Variants in CADM2 observed in about 807,000 individuals in gnomAD.
The protein encoded by CADM2 is immunoglobulin superfamily member 4D.
A neutral mutation model predicts 49.8 loss-of-function variants in CADM2; 12 were observed. The ratio of observed to expected loss-of-function variants is 0.24; its 90% CI spans 0.15 to 0.39. CADM2 has a LOEUF of 0.39. Among genes scored for constraint, CADM2 ranks in the 10% least tolerant of loss-of-function variants. CADM2 has a pLI of 1.00. For synonymous variants in CADM2, 214 were observed against 175.4 expected (o/e 1.22, Z -1.74); for missense variants, 378 against 492.3 (o/e 0.77, Z 2.20).
intron 1 of CADM2, among the ~76,000 whole-genome samples, chr3:85,715,900 TAACA>T (rs2067274049): frequency 6.6e-6 from 1 of 152,222 alleles, no homozygotes; most frequent in Admixed American, 6.5e-5. Context: ...TTATCCAGTC[TAACA>T]TTCATGGGCA....
chr3:85,773,624 G>T (rs2070211351), intron 2 of CADM2, among the ~76,000 whole-genome samples: 1 of 151,912 alleles, frequency 6.6e-6, no homozygotes, highest in African/African-American at 2.4e-5. Flanking sequence ...CCATACAATG[G>T]TATTGCTTTC....
chr3:85,264,193 T>C (rs2043072976), intron 1 of CADM2, among the ~76,000 whole-genome samples: 1 of 152,136 alleles, frequency 6.6e-6, no homozygotes. Context: ...GCACAGACTT[T>C]CCTATTAATT....
chr3:85,405,021 C>T (rs1323100088), intron 1 of CADM2, among the ~76,000 whole-genome samples: 1 of 152,036 alleles, frequency 6.6e-6, no homozygotes, highest in Non-Finnish European at 1.5e-5. Context: ...TAATAGAAAG[C>T]AGGAGTGATT....
intron 1 of CADM2, among the ~76,000 whole-genome samples, chr3:84,966,023 A>C (rs1248883369): frequency 1.3e-5 from 2 of 152,150 alleles, no homozygotes; most frequent in Non-Finnish European, 2.9e-5. Context: ...AGCTTTGTAT[A>C]TTTTGATTCC....
At chr3:85,750,029 T>C (rs998635993) in intron 2 of CADM2, among the ~76,000 whole-genome samples, 2 of 152,040 alleles carry the variant, frequency 1.3e-5, no homozygotes, top group Non-Finnish European at 2.9e-5. Flanking sequence ...GTAAAATTTT[T>C]CCATGAATTA....
intron 6 of CADM2, among the ~76,000 whole-genome samples, chr3:85,921,594 A>C (rs76907925): frequency 1.3e-5 from 2 of 152,126 alleles, no homozygotes; most frequent in African/African-American, 4.8e-5. Flanking sequence ...AGTTTCCCCT[A>C]TTATTAATAT....
intron 1 of CADM2, among the ~76,000 whole-genome samples, chr3:85,462,032 G>A (rs1426230823): frequency 1.3e-5 from 2 of 152,102 alleles, no homozygotes; most frequent in African/African-American, 4.8e-5. Flanking sequence ...AACAGGAGAG[G>A]AGGGCAATTA....
intron 8 of CADM2, among the ~76,000 whole-genome samples, chr3:86,042,944 T>A (rs978545311): frequency 6.6e-6 from 1 of 152,174 alleles, no homozygotes. Context: ...TCAATAAATC[T>A]AATCCAGCAT....
intron 1 of CADM2, among the ~76,000 whole-genome samples, chr3:85,676,134 G>A (rs2065880397): frequency 6.6e-6 from 1 of 152,182 alleles, no homozygotes; most frequent in Admixed American, 6.5e-5. Context: ...GATAGGGTCT[G>A]TTGCATTAGG....
intron 1 of CADM2, among the ~76,000 whole-genome samples, chr3:85,192,115 C>T (rs2041223976): frequency 6.6e-6 from 1 of 151,408 alleles, no homozygotes; most frequent in Non-Finnish European, 1.5e-5. Context: ...AAAAAAAAGA[C>T]ATCAAATTGT....
At chr3:85,074,265 CT>C (rs2036861972) in intron 1 of CADM2, among the ~76,000 whole-genome samples, 1 of 152,074 alleles carries the variant, frequency 6.6e-6, no homozygotes, top group African/African-American at 2.4e-5. Context: ...TTCGTCCCAA[CT>C]TTGGCATTGC....
chr3:85,162,598 T>C (rs1333286029), intron 1 of CADM2, among the ~76,000 whole-genome samples: 2 of 152,132 alleles, frequency 1.3e-5, no homozygotes, highest in African/African-American at 4.8e-5. Flanking sequence ...AGGTTTGTGT[T>C]TCTAGAGTTT....
chr3:85,998,364 A>G (rs1729701956), intron 8 of CADM2, among the ~76,000 whole-genome samples: 1 of 152,146 alleles, frequency 6.6e-6, no homozygotes, highest in Non-Finnish European at 1.5e-5. Context: ...AAACCTCAGG[A>G]ATAATACGGC....
chr3:85,805,284 A>G (rs2072339317), intron 3 of CADM2, among the ~76,000 whole-genome samples: 1 of 152,086 alleles, frequency 6.6e-6, no homozygotes, highest in Admixed American at 6.6e-5. Flanking sequence ...AGATGCTGTA[A>G]TAGCTTAGTT....
At chr3:85,947,486 T>C (rs1722878989) in intron 7 of CADM2, among the ~76,000 whole-genome samples, 1 of 151,414 alleles carries the variant, frequency 6.6e-6, no homozygotes, top group Non-Finnish European at 1.5e-5. Context: ...AGCAATATAG[T>C]CAGTTTCTTC....
chr3:85,177,014 G>T (rs2040803245), intron 1 of CADM2, among the ~76,000 whole-genome samples: 1 of 152,084 alleles, frequency 6.6e-6, no homozygotes, highest in Non-Finnish European at 1.5e-5. Context: ...TATATACATC[G>T]TCAGGATGTT....
At chr3:85,390,498 G>A (rs1265256392) in intron 1 of CADM2, among the ~76,000 whole-genome samples, 3 of 151,994 alleles carry the variant, frequency 2.0e-5, no homozygotes. Context: ...CTCTTGCTAT[G>A]TAACTCTCCT....
intron 1 of CADM2, among the ~76,000 whole-genome samples, chr3:85,700,213 T>C (rs987760853): frequency 6.6e-6 from 1 of 152,198 alleles, no homozygotes; most frequent in African/African-American, 2.4e-5. Flanking sequence ...GAAAGCATCA[T>C]TCTCAGCAAA....
intron 8 of CADM2, among the ~76,000 whole-genome samples, chr3:86,016,862 T>A (rs565809283): frequency 6.6e-6 from 1 of 152,256 alleles, no homozygotes; most frequent in Non-Finnish European, 1.5e-5. Context: ...TTACTAAGGA[T>A]TCAATGAGGG....
Sources: gnomAD v4.1 joint callset for allele counts (sites outside exome capture counted in the v4.1 genomes callset) on GRCh38, gnomAD v4.1.1 for gene constraint, MANE v1.5 for transcripts, NCBI Gene and HGNC (gene_info 2026-07-23, HGNC 2026-07-21) for gene names.